Variants in ELP4 observed in about 807,000 individuals in gnomAD.
ELP4 encodes elongator complex protein 4.
ELP4 carries 51 observed loss-of-function variants against 48.9 expected under a neutral mutation model. The ratio of observed to expected loss-of-function variants is 1.04; its 90% confidence interval spans 0.83 to 1.32. The LOEUF (loss-of-function observed/expected upper bound fraction) is 1.32. ELP4 is among the 40% of genes most tolerant of loss of function. ELP4 has a pLI of 0.00. For synonymous variants in ELP4, 210 were observed against 189.2 expected (o/e 1.11, Z -0.90); for missense variants, 519 against 514.6 (o/e 1.01, Z -0.08).
At position 31,721,714 on chromosome 11, in the gene ELP4, A is replaced by G. The variant is rs568488020; in HGVS notation, c.1144-61679A>G. 3.9e-5 allele frequency among the ~76,000 whole-genome samples: 6 copies of G among 152,302 alleles called. No homozygotes were observed. In the South Asian group the frequency reaches 1.0e-3, roughly 26 times the overall value. On this transcript the variant is annotated intron_variant, in intron 9 of 9. Transcript: ENST00000640961. ...ATTGGAAAATATCAATGAGCAAATC[A>G]TTTCTCAGATAAAATGGTTCAATTA...
In ELP4 at chr11:31,520,099, C is replaced by A. The variant is rs1477534081; in HGVS notation, c.259+8C>A. ...GAACAGTTCTTCTAATTGGTTAGTA[C>A]AAAATACATGCTTTGCTCTCCTCTA... On this transcript the variant is annotated splice_region_variant and intron_variant, in intron 2 of 9. Coordinates refer to ENST00000640961, the MANE Select transcript of ELP4 (RefSeq NM_019040.5). 1 of 1,609,006 alleles carries A rather than the reference C, an allele frequency of 6.2e-7. No individual in the cohort carries two copies. Among genetic ancestry groups the A allele is most frequent in the Admixed American group, 1.7e-5 (1 of 59,046 alleles).
At chr11:31,560,611 A>C (rs1464486942) in intron 3 of ELP4, among the ~76,000 whole-genome samples, 2 of 151,128 alleles carry the variant, frequency 1.3e-5, no homozygotes, top group Non-Finnish European at 3.0e-5. Context: ...CCAGTGATTA[A>C]GTGGAAAAGT....
chr11:31,609,737 AAT>A (rs1245359007), intron 5 of ELP4, among the ~76,000 whole-genome samples: 1 of 152,116 alleles, frequency 6.6e-6, no homozygotes, highest in Non-Finnish European at 1.5e-5. Context: ...CAAAAGTCTA[AAT>A]ATAAGATTAA....
chr11:31,778,577 T>G (rs531939399), intron 9 of ELP4, among the ~76,000 whole-genome samples: 1 of 152,008 alleles, frequency 6.6e-6, no homozygotes, highest in Non-Finnish European at 1.5e-5. Flanking sequence ...GTGTAGAACT[T>G]GATAGTTCAC....
chr11:31,664,585 A>G (rs1945632138), intron 9 of ELP4: 1 of 152,166 alleles, frequency 6.6e-6, no homozygotes, highest in African/African-American at 2.4e-5. Flanking sequence ...CACATTTTAA[A>G]TTCATGCTTT....
chr11:31,695,345 T>A (rs1277997148), intron 9 of ELP4, among the ~76,000 whole-genome samples: 14 of 152,194 alleles, frequency 9.2e-5, no homozygotes, highest in Admixed American at 9.2e-4. Context: ...ATACCTAATT[T>A]ATCAAAGAGT....
chr11:31,576,984 A>G (rs1336157825), intron 3 of ELP4, among the ~76,000 whole-genome samples: 1 of 152,170 alleles, frequency 6.6e-6, no homozygotes, highest in Non-Finnish European at 1.5e-5. Context: ...AAACTTTTCA[A>G]AAAATTAATG....
At chr11:31,661,579 C>T (rs1180952056) in intron 9 of ELP4, among the ~76,000 whole-genome samples, 1 of 151,798 alleles carries the variant, frequency 6.6e-6, no homozygotes, top group African/African-American at 2.4e-5. Context: ...TAGTTCATTG[C>T]CTGATCATAT....
chr11:31,694,187 T>G (rs1592229596), intron 9 of ELP4, among the ~76,000 whole-genome samples: 2 of 152,306 alleles, frequency 1.3e-5, no homozygotes, highest in South Asian at 4.2e-4. Flanking sequence ...TTTGTCAATT[T>G]TGGCTTTTGT....
intron 4 of ELP4, among the ~76,000 whole-genome samples, chr11:31,595,509 A>C (rs1957655409): frequency 6.6e-6 from 1 of 152,222 alleles, no homozygotes; most frequent in Non-Finnish European, 1.5e-5. Flanking sequence ...CTAGTAGAAA[A>C]GAAAGGAATA....
At chr11:31,719,489 T>C (rs1342689793) in intron 9 of ELP4, 1 of 398,350 alleles carries the variant, frequency 2.5e-6, no homozygotes, top group African/African-American at 2.1e-5. Flanking sequence ...AGGAAGAGTC[T>C]GTGGTCTTTT....
intron 2 of ELP4, among the ~76,000 whole-genome samples, chr11:31,520,366 T>G (rs1234388424): frequency 6.6e-6 from 1 of 152,188 alleles, no homozygotes; most frequent in Non-Finnish European, 1.5e-5. Flanking sequence ...AAAATTAATG[T>G]GAATTGATTT....
At chr11:31,576,484 A>G (rs1957281436) in intron 3 of ELP4, among the ~76,000 whole-genome samples, 1 of 152,228 alleles carries the variant, frequency 6.6e-6, no homozygotes, top group Admixed American at 6.5e-5. Context: ...TCAACAGAAT[A>G]TACATTCTTC....
At chr11:31,544,785 G>A (rs1477738825) in intron 3 of ELP4, among the ~76,000 whole-genome samples, 2 of 152,140 alleles carry the variant, frequency 1.3e-5, no homozygotes, top group Non-Finnish European at 2.9e-5. Flanking sequence ...CACACGGCCG[G>A]GTACTCCTCT....
At chr11:31,573,931 G>C (rs916214962) in intron 3 of ELP4, among the ~76,000 whole-genome samples, 1 of 152,032 alleles carries the variant, frequency 6.6e-6, no homozygotes, top group Non-Finnish European at 1.5e-5. Context: ...ATCTCATTAG[G>C]GGATAGGACT....
At chr11:31,565,908 A>G (rs2133948873) in intron 3 of ELP4, among the ~76,000 whole-genome samples, 1 of 152,312 alleles carries the variant, frequency 6.6e-6, no homozygotes, top group South Asian at 2.1e-4. Context: ...AATTCTGTGA[A>G]GAAAGTCACT....
intron 3 of ELP4, among the ~76,000 whole-genome samples, chr11:31,544,053 C>T (rs908540411): frequency 6.6e-5 from 10 of 152,226 alleles, no homozygotes; most frequent in African/African-American, 2.4e-4. Flanking sequence ...CTCCGGTCTA[C>T]AGCTCCCAGC....
At chr11:31,657,303 T>A (rs1945458362) in intron 9 of ELP4, among the ~76,000 whole-genome samples, 1 of 152,018 alleles carries the variant, frequency 6.6e-6, no homozygotes, top group Admixed American at 6.6e-5. Context: ...CTCAACCTCC[T>A]CCTTAGAGAA....
intron 7 of ELP4, among the ~76,000 whole-genome samples, chr11:31,635,130 A>T (rs766865281): frequency 7.9e-5 from 12 of 152,000 alleles, no homozygotes; most frequent in Non-Finnish European, 1.8e-4. Flanking sequence ...ATCATTATAT[A>T]AATATGAAGT....
Sources: allele counts gnomAD v4.1 joint callset (sites outside exome capture counted in the v4.1 genomes callset), GRCh38; gene constraint gnomAD v4.1.1; transcripts MANE v1.5; gene names NCBI Gene and HGNC (gene_info 2026-07-23, HGNC 2026-07-21).